Variants in DACH1 observed in about 807,000 individuals in gnomAD.
DACH1 encodes the protein dachshund family transcription factor 1.
DACH1 carries 12 observed loss-of-function variants against 54.2 expected under a neutral mutation model. That is an observed-to-expected ratio of 0.22 (90% CI 0.14 to 0.36). The LOEUF is 0.36. Among genes scored for constraint, DACH1 ranks in the 10% least tolerant of loss-of-function variants. The probability of loss-of-function intolerance (pLI) is 1.00; values close to 1 mark genes in which losing one functional copy is unlikely to be tolerated. For synonymous variants in DACH1, 386 were observed against 366.2 expected (o/e 1.05, Z -0.62); for missense variants, 805 against 929.8 (o/e 0.87, Z 1.75).
intron 3 of DACH1, among the ~76,000 whole-genome samples, chr13:71,606,065 C>T (rs1874858524): frequency 6.6e-6 from 1 of 152,020 alleles, no homozygotes; most frequent in South Asian, 2.1e-4. Flanking sequence ...ACTTTTTCTG[C>T]TAATCTACTA....
Position 71,860,516 on chromosome 13 carries a change from A to G in DACH1, c.848+5406T>C, listed in dbSNP as rs571768995. On this transcript the variant is annotated intron_variant, in intron 1 of 10. Coordinates refer to ENST00000613252, the MANE Select transcript of DACH1 (RefSeq NM_080759.6). The stretch of plus-strand genomic sequence containing the variant: ...AAATACTTGAAAGATAAATTCAAAC[A>G]AAGTTTAACTTTTTAAAAGAACCAA... Among the ~76,000 whole-genome samples the G allele has an allele frequency of 5.3e-4, 80 of 151,764 alleles. 1 individual carries two copies. In the South Asian group the frequency reaches 9.6e-3, roughly 18 times the overall value.
At chr13:71,597,334 A>T (rs559834515) in intron 3 of DACH1, among the ~76,000 whole-genome samples, 1 of 152,348 alleles carries the variant, frequency 6.6e-6, no homozygotes, top group Admixed American at 6.5e-5. Flanking sequence ...CACATATTTC[A>T]ACACATCATT....
At chr13:71,769,259 T>C (rs1474951188) in intron 1 of DACH1, among the ~76,000 whole-genome samples, 1 of 151,728 alleles carries the variant, frequency 6.6e-6, no homozygotes, top group Non-Finnish European at 1.5e-5. Context: ...TTTTTTTTTC[T>C]TAACCACATT....
intron 1 of DACH1, among the ~76,000 whole-genome samples, chr13:71,775,025 C>G (rs191606734): frequency 6.6e-6 from 1 of 150,970 alleles, no homozygotes; most frequent in Non-Finnish European, 1.5e-5. Context: ...TGGTTCATGC[C>G]TATAATCCCA....
chr13:71,602,865 G>T (rs1331898851), intron 3 of DACH1, among the ~76,000 whole-genome samples: 1 of 151,906 alleles, frequency 6.6e-6, no homozygotes, highest in Non-Finnish European at 1.5e-5. Context: ...GAAATCTAGG[G>T]AGGCAGAAAT....
chr13:71,449,045 T>A (rs1874746478), intron 10 of DACH1, among the ~76,000 whole-genome samples: 1 of 152,078 alleles, frequency 6.6e-6, no homozygotes, highest in Non-Finnish European at 1.5e-5. Flanking sequence ...CAATAAGAAA[T>A]AGGTAATGAA....
At chr13:71,661,247 A>C (rs1879464917) in intron 2 of DACH1, among the ~76,000 whole-genome samples, 1 of 151,484 alleles carries the variant, frequency 6.6e-6, no homozygotes, top group African/African-American at 2.4e-5. Context: ...TAATCACTAG[A>C]AAATATCTTA....
At chr13:71,676,694 C>G (rs937828848) in intron 2 of DACH1, among the ~76,000 whole-genome samples, 1 of 152,074 alleles carries the variant, frequency 6.6e-6, no homozygotes, top group Non-Finnish European at 1.5e-5. Context: ...TACATGAGAA[C>G]ATTTTTCTCT....
intron 1 of DACH1, among the ~76,000 whole-genome samples, chr13:71,729,710 A>G (rs896878518): frequency 2.0e-5 from 3 of 152,124 alleles, no homozygotes; most frequent in Admixed American, 2.0e-4. Context: ...TTCAATTGTT[A>G]GTGTATTGTC....
Position 71,758,215 on chromosome 13 carries a change from GACAAAT to G in DACH1, c.849-76311_849-76306del, listed in dbSNP as rs1289736676. Among the ~76,000 whole-genome samples, 7 of 152,204 alleles carry G rather than the reference GACAAAT, an allele frequency of 4.6e-5. No homozygotes were observed. The East Asian group carries it at 1.4e-3, about 29-fold the overall frequency. ...GAGAAATTGTCAGGATTTTTTTAGA[GACAAAT>G]AAATCCTCAGTGGGTGTCAGTTGTG... On this transcript the variant is annotated intron_variant, in intron 1 of 10. Coordinates refer to ENST00000613252, the MANE Select transcript of DACH1 (RefSeq NM_080759.6).
chr13:71,688,264 T>C (rs914895525), intron 1 of DACH1, among the ~76,000 whole-genome samples: 1 of 152,218 alleles, frequency 6.6e-6, no homozygotes, highest in African/African-American at 2.4e-5. Context: ...TGTATATCAA[T>C]ATTTCGCCAA....
chr13:71,607,871 T>C (rs1422930278), intron 3 of DACH1, among the ~76,000 whole-genome samples: 3 of 151,994 alleles, frequency 2.0e-5, no homozygotes, highest in Non-Finnish European at 2.9e-5. Flanking sequence ...AAATAAAAGT[T>C]TTTAAACAAT....
Position 71,842,877 on chromosome 13 carries a change from G to T in DACH1, c.848+23045C>A, listed in dbSNP as rs1033565692. ...TATCTATTCTTCTGACTTGTCAATTGGGTGTCTTGTTAGAGCACTGGCTAA... is the reference window on the plus strand; with the variant it reads ...TATCTATTCTTCTGACTTGTCAATTTGGTGTCTTGTTAGAGCACTGGCTAA... On this transcript the variant is annotated intron_variant, in intron 1 of 10. Coordinates refer to ENST00000613252, the MANE Select transcript of DACH1 (RefSeq NM_080759.6). 5.9e-5 allele frequency among the ~76,000 whole-genome samples: 9 copies of T among 152,192 alleles called. No homozygotes were observed. The South Asian group carries it at 1.9e-3, about 32-fold the overall frequency.
intron 6 of DACH1, among the ~76,000 whole-genome samples, chr13:71,529,592 G>C (rs1408426934): frequency 6.6e-6 from 1 of 152,138 alleles, no homozygotes; most frequent in Non-Finnish European, 1.5e-5. Flanking sequence ...CTTGTGCTAT[G>C]CTGTTGGAAA....
intron 1 of DACH1, among the ~76,000 whole-genome samples, chr13:71,771,255 G>A (rs1387169592): frequency 6.7e-6 from 1 of 150,070 alleles, no homozygotes; most frequent in African/African-American, 2.4e-5. Flanking sequence ...TAAGAATGAG[G>A]AGTATTAATA....
chr13:71,697,255 T>C (rs1025152963), intron 1 of DACH1, among the ~76,000 whole-genome samples: 1 of 152,080 alleles, frequency 6.6e-6, no homozygotes, highest in Non-Finnish European at 1.5e-5. Context: ...TGAAAAAAAA[T>C]GAATGACTGG....
In DACH1 at chr13:71,637,334, C is replaced by T. The variant is rs1015249260; in HGVS notation, c.965-6617G>A. The stretch of plus-strand genomic sequence containing the variant: ...AGCCCTCCCCCTCCATAAATGCTCA[C>T]TGAAACTGTGAAGTAACTCATACGA... On this transcript the variant is annotated intron_variant, in intron 2 of 10. Transcript: ENST00000613252. Among the ~76,000 whole-genome samples, 5 of 152,266 alleles carry T rather than the reference C, an allele frequency of 3.3e-5. No individual in the cohort carries two copies. The South Asian group carries it at 6.2e-4, about 19-fold the overall frequency.
At chr13:71,716,981 A>G (rs763517162) in intron 1 of DACH1, among the ~76,000 whole-genome samples, 9 of 152,190 alleles carry the variant, frequency 5.9e-5, no homozygotes, top group Non-Finnish European at 1.2e-4. Context: ...TTTAAAGTAT[A>G]CATCATGCAT....
At chr13:71,652,222 G>A (rs1878737452) in intron 2 of DACH1, among the ~76,000 whole-genome samples, 1 of 152,082 alleles carries the variant, frequency 6.6e-6, no homozygotes, top group Non-Finnish European at 1.5e-5. Context: ...TAGAAAACAA[G>A]GCTAAATTCT....
Sources: allele counts gnomAD v4.1 joint callset (sites outside exome capture counted in the v4.1 genomes callset), GRCh38; gene constraint gnomAD v4.1.1; transcripts MANE v1.5; gene names NCBI Gene and HGNC (gene_info 2026-07-23, HGNC 2026-07-21).